Variants in AUTS2 observed in about 807,000 individuals in gnomAD.
AUTS2 encodes the protein autism susceptibility gene 2 protein.
AUTS2 carries 17 observed loss-of-function variants against 112.4 expected under a neutral mutation model. That is an observed-to-expected ratio of 0.15 (90% CI 0.10 to 0.23). AUTS2 has a LOEUF of 0.23. AUTS2 is among the 10% of genes least tolerant of loss of function. The probability of loss-of-function intolerance (pLI) is 1.00; values close to 1 mark genes in which losing one functional copy is unlikely to be tolerated. For missense variants in AUTS2, 1,510 were observed against 1,701.6 expected (o/e 0.89, Z 1.98); for synonymous variants, 751 against 702.7 (o/e 1.07, Z -1.09).
chr7:69,752,842 A>G (rs1345905273), intron 1 of AUTS2, among the ~76,000 whole-genome samples: 1 of 152,170 alleles, frequency 6.6e-6, no homozygotes, highest in Non-Finnish European at 1.5e-5. Context: ...GCTCAGGGGA[A>G]ATTGGAAATG....
At chr7:69,835,798 G>A (rs2129528004) in intron 1 of AUTS2, among the ~76,000 whole-genome samples, 1 of 152,330 alleles carries the variant, frequency 6.6e-6, no homozygotes. Flanking sequence ...CTGGAATCAT[G>A]TAGGACATTT....
rs187714395 is a variant in AUTS2, at chr7:69,972,685, G to T, written c.522+73187G>T. ...TGTGTGCGTGCATGTGTGTGTGTGT[G>T]TGTGTGTGTGTGTGTGCACGTTCCT... is the stretch of plus-strand genomic sequence containing the variant. On this transcript the variant is annotated intron_variant, in intron 2 of 18. Coordinates refer to ENST00000342771, the MANE Select transcript of AUTS2 (RefSeq NM_015570.4). Among the ~76,000 whole-genome samples the T allele has an allele frequency of 3.4e-4, 51 of 151,980 alleles. 1 individual carries two copies. The South Asian group carries it at 6.2e-3, about 19-fold the overall frequency.
chr7:70,583,799 T>C (rs254927), intron 5 of AUTS2, among the ~76,000 whole-genome samples: 55,842 of 152,142 alleles, frequency 0.37, 11,177 homozygotes, highest in Non-Finnish European at 0.45. Flanking sequence ...CTGCCTTCTG[T>C]CCCTCTTCCA....
chr7:70,057,978 G>T (rs925773097), intron 2 of AUTS2, among the ~76,000 whole-genome samples: 2 of 152,154 alleles, frequency 1.3e-5, no homozygotes, highest in East Asian at 3.8e-4. Flanking sequence ...TGGTAAGGGG[G>T]TGATATATCT....
chr7:70,530,452 T>C (rs1282820319), intron 5 of AUTS2, among the ~76,000 whole-genome samples: 1 of 152,114 alleles, frequency 6.6e-6, no homozygotes, highest in Non-Finnish European at 1.5e-5. Flanking sequence ...GGTTGGACAA[T>C]CATGGTAGTT....
At chr7:69,648,104 C>T (rs987686037) in intron 1 of AUTS2, among the ~76,000 whole-genome samples, 1 of 152,100 alleles carries the variant, frequency 6.6e-6, no homozygotes, top group Non-Finnish European at 1.5e-5. Context: ...TCTGAGGGGA[C>T]ACAATTAAAC....
At chr7:69,911,003 A>G (rs538605143) in intron 2 of AUTS2, among the ~76,000 whole-genome samples, 1 of 152,336 alleles carries the variant, frequency 6.6e-6, no homozygotes, top group East Asian at 1.9e-4. Context: ...AAAGACCCCC[A>G]TGATTCATTT....
intron 5 of AUTS2, among the ~76,000 whole-genome samples, chr7:70,440,160 G>A (rs1443070810): frequency 1.3e-5 from 2 of 150,342 alleles, no homozygotes; most frequent in African/African-American, 4.9e-5. Context: ...GCAGGACAAA[G>A]TGGGCTCTTG....
intron 1 of AUTS2, among the ~76,000 whole-genome samples, chr7:69,787,217 C>G (rs761137664): frequency 2.0e-5 from 3 of 152,176 alleles, no homozygotes; most frequent in Admixed American, 6.5e-5. Flanking sequence ...ACTCTGATGA[C>G]CAGACCCAAG....
At chr7:70,216,174 C>T (rs1055083650) in intron 4 of AUTS2, among the ~76,000 whole-genome samples, 4 of 152,104 alleles carry the variant, frequency 2.6e-5, no homozygotes, top group Non-Finnish European at 5.9e-5. Flanking sequence ...TCAGTCCTCC[C>T]CATACCTCAA....
At chr7:69,879,304 CG>C (rs1793937244) in intron 1 of AUTS2, among the ~76,000 whole-genome samples, 1 of 147,210 alleles carries the variant, frequency 6.8e-6, no homozygotes, top group Non-Finnish European at 1.5e-5. Flanking sequence ...CCACCATGCC[CG>C]GCTATTTTTT....
intron 1 of AUTS2, among the ~76,000 whole-genome samples, chr7:69,873,641 ATTCAT>A (rs1380714223): frequency 6.6e-6 from 1 of 152,178 alleles, no homozygotes; most frequent in Non-Finnish European, 1.5e-5. Context: ...CTAGATTGGC[ATTCAT>A]TTCTTAAGCT....
rs368466886 is a variant in AUTS2, at chr7:70,078,093, A to G, written c.523-40039A>G. On this transcript the variant is annotated intron_variant, in intron 2 of 18. Coordinates refer to ENST00000342771, the MANE Select transcript of AUTS2 (RefSeq NM_015570.4). ...AGGGTCAGGCATATGGTAGGTAGTC[A>G]GTGAATGTTTGTTTTTGTTAGTAGG... Among the ~76,000 whole-genome samples, 23 of 152,266 alleles carry G rather than the reference A, an allele frequency of 1.5e-4. No individual in the cohort carries two copies. The East Asian group carries it at 4.4e-3, about 29-fold the overall frequency.
At chr7:69,629,140 C>G (rs527613005) in intron 1 of AUTS2, among the ~76,000 whole-genome samples, 31 of 152,002 alleles carry the variant, frequency 2.0e-4, no homozygotes, top group South Asian at 1.0e-3. Context: ...TTTGCTACTT[C>G]AAGCAAGACA....
intron 4 of AUTS2, among the ~76,000 whole-genome samples, chr7:70,385,346 C>A (rs569414297): frequency 3.9e-5 from 6 of 152,296 alleles, no homozygotes; most frequent in African/African-American, 1.4e-4. Context: ...ACTTTTTTAT[C>A]TTCTTGATTT....
At chr7:70,702,337 C>T (rs73706414) in intron 6 of AUTS2, among the ~76,000 whole-genome samples, 1,937 of 152,272 alleles carry the variant, frequency 0.013, 42 homozygotes, top group African/African-American at 0.044. Context: ...AATTGCTCTC[C>T]CTTCTTGGTT....
chr7:70,670,835 CT>C (rs1285052512), intron 5 of AUTS2, among the ~76,000 whole-genome samples: 4 of 152,190 alleles, frequency 2.6e-5, no homozygotes, highest in African/African-American at 9.6e-5. Flanking sequence ...CAGGCACTGA[CT>C]GCAGGGTTGA....
chr7:69,655,251 C>T (rs997822543), intron 1 of AUTS2, among the ~76,000 whole-genome samples: 14 of 152,122 alleles, frequency 9.2e-5, no homozygotes, highest in African/African-American at 2.9e-4. Context: ...CACAACCGGC[C>T]GCTTATACAG....
rs1178214512 is a variant in AUTS2 at position 69,599,857 on chromosome 7, C to G, written c.204C>G (p.Ser68=). The G allele has an allele frequency of 1.9e-6, 3 of 1,613,116 alleles. No individual in the cohort carries two copies. The highest frequency in any genetic ancestry group is 1.1e-5 in the South Asian group (1 of 91,086). The stretch of plus-strand genomic sequence containing the variant: ...GGAAGCCCCCGTCCTCCGCCCCGTC[C>G]CGGCCCAGACCCCCGCGGAGGAAGC... ...DNGKPPSSAP[S]RPRPPRRKRR... is the part of the protein sequence containing the mutation. The change falls in exon 1 of 19, where the codon TCC becomes TCG. Residue 68 remains serine, a synonymous_variant. Coordinates refer to ENST00000342771, the MANE Select transcript of AUTS2 (RefSeq NM_015570.4). This position sits in a 1 kb window ranked among gnomAD's most constrained non-coding sequence, Gnocchi z 7.0.
Sources: allele counts gnomAD v4.1 joint callset (sites outside exome capture counted in the v4.1 genomes callset), GRCh38; gene constraint gnomAD v4.1.1; non-coding constraint Gnocchi (gnomAD v3.1); transcripts MANE v1.5; gene names NCBI Gene and HGNC (gene_info 2026-07-23, HGNC 2026-07-21).